PDS5B: variants seen among roughly 807,000 people sequenced by gnomAD.
The protein encoded by PDS5B is sister chromatid cohesion protein PDS5 homolog B.
A neutral mutation model predicts 184.1 loss-of-function variants in PDS5B; 51 were observed. The ratio of observed to expected loss-of-function variants is 0.28; its 90% confidence interval spans 0.22 to 0.35. The LOEUF (loss-of-function observed/expected upper bound fraction) is 0.35, where lower values mean the gene tolerates loss of function less well. Among genes scored for constraint, PDS5B ranks in the 10% least tolerant of loss-of-function variants. PDS5B has a pLI of 1.00. For missense variants in PDS5B, 1,180 were observed against 1,723.3 expected (o/e 0.68, Z 5.58); for synonymous variants, 566 against 569.2 (o/e 0.99, Z 0.08).
intron 6 of PDS5B, among the ~76,000 whole-genome samples, chr13:32,661,320 G>A (rs1403513130): frequency 7.7e-6 from 1 of 130,170 alleles, no homozygotes; most frequent in Non-Finnish European, 1.6e-5. Flanking sequence ...AGAGGTGGAG[G>A]TTACAGTGAG....
At chr13:32,630,475 C>G (rs962698838) in intron 1 of PDS5B, among the ~76,000 whole-genome samples, 3 of 152,130 alleles carry the variant, frequency 2.0e-5, no homozygotes, top group Admixed American at 6.5e-5. Context: ...GCACCCTGAC[C>G]TCCACTTGCA....
rs1954230053 is a variant in PDS5B, at chr13:32,757,607, T to C, written c.3057-480T>C. On this transcript the variant is annotated intron_variant, in intron 26 of 34. Coordinates refer to ENST00000315596, the MANE Select transcript of PDS5B (RefSeq NM_015032.4). Reference sequence around the variant, plus strand: ...TTTAAGCAAAGACAATGCTTATAATTGTCAATCTTGACTTTTTCTCTCTAT... The same window carrying C: ...TTTAAGCAAAGACAATGCTTATAATCGTCAATCTTGACTTTTTCTCTCTAT... Among the ~76,000 whole-genome samples, 3 of 152,232 alleles carry C rather than the reference T, an allele frequency of 2.0e-5. No homozygotes were observed. The South Asian group carries it at 6.2e-4, about 31-fold the overall frequency.
At chr13:32,622,807 T>A (rs1040286132) in intron 1 of PDS5B, among the ~76,000 whole-genome samples, 1 of 152,348 alleles carries the variant, frequency 6.6e-6, no homozygotes, top group South Asian at 2.1e-4. Context: ...AAAATTTGTT[T>A]GGTCTGATGA....
intron 1 of PDS5B, among the ~76,000 whole-genome samples, chr13:32,613,569 C>T (rs2058173819): frequency 6.6e-6 from 1 of 152,102 alleles, no homozygotes; most frequent in Non-Finnish European, 1.5e-5. Context: ...ATCCTTTGCC[C>T]ATTTTTAAAT....
At chr13:32,595,553 A>G (rs1045778008) in intron 1 of PDS5B, among the ~76,000 whole-genome samples, 19 of 152,190 alleles carry the variant, frequency 1.2e-4, no homozygotes, top group African/African-American at 4.3e-4. Flanking sequence ...GATTTCCACA[A>G]TAGAGGTATA....
intron 24 of PDS5B, among the ~76,000 whole-genome samples, chr13:32,748,611 A>G (rs1355478182): frequency 6.6e-6 from 1 of 152,084 alleles, no homozygotes; most frequent in Non-Finnish European, 1.5e-5. Flanking sequence ...CTCGGGTCCT[A>G]CTTCAAGTGC....
Position 32,760,679 on chromosome 13 carries a change from C to T in PDS5B, c.3477C>T (p.Ser1159=), listed in dbSNP as rs938892002. Residue 1159 remains serine, a synonymous_variant, in exon 30 of 35, where the codon AGC becomes AGT. Coordinates refer to ENST00000315596, the MANE Select transcript of PDS5B (RefSeq NM_015032.4). ...GAATGGAAACTGTAAGCAATGCAAG[C>T]AGCAGCTCAAATCCAAGCTCTCCTG... ...SSRMETVSNA[S]SSSNPSSPGR... is the part of the protein sequence containing the mutation. 2 of 1,613,990 alleles carry T rather than the reference C, an allele frequency of 1.2e-6. No individual in the cohort carries two copies. Among genetic ancestry groups the T allele is most frequent in the South Asian group, 2.2e-5 (2 of 91,064 alleles).
In PDS5B at chr13:32,699,689, T is replaced by TA. The variant is rs571075625; in HGVS notation, c.1601-33dup. ...ATTGACCTATTATTATTTTAAGAAT[T>TA]AAAAAAAATTGATTTTAATTGAACT... On this transcript the variant is annotated intron_variant, in intron 15 of 34. Coordinates refer to ENST00000315596, the MANE Select transcript of PDS5B (RefSeq NM_015032.4). 6.1e-5 allele frequency: 72 copies of TA among 1,175,606 alleles called. 1 individual carries two copies. In the South Asian group the frequency reaches 8.7e-4, roughly 14 times the overall value. The allele number at this position is 1,175,606 out of a possible 1,614,324, so 72.8% of individuals were successfully genotyped here.
chr13:32,604,947 A>G (rs547819916), intron 1 of PDS5B, among the ~76,000 whole-genome samples: 1 of 152,042 alleles, frequency 6.6e-6, no homozygotes, highest in East Asian at 1.9e-4. Context: ...TATTGCATCT[A>G]TTTGATTCTT....
rs868137211 is a variant in PDS5B, at chr13:32,731,849, G to A, written c.2124-252G>A. 2.0e-4 allele frequency among the ~76,000 whole-genome samples: 30 copies of A among 152,188 alleles called. No individual in the cohort carries two copies. In the Middle Eastern group the frequency reaches 0.01, roughly 52 times the overall value. On this transcript the variant is annotated intron_variant, in intron 19 of 34. Transcript: ENST00000315596. ...GGGAGCGGCGTTAACAGGAGAGTGT[G>A]AGTCACCAGCCTGTTAGTGTTTGCT...
In PDS5B at chr13:32,687,155, A is replaced by C. The variant is rs1327398579; in HGVS notation, c.1225A>C (p.Met409Leu). Reference protein sequence around the residue: ...DKRWRVRKEAMMGLAQIYKKY... With the variant: ...DKRWRVRKEALMGLAQIYKKY... Reference sequence around the variant, plus strand: ...TAAGTGGAGAGTACGCAAAGAAGCCATGATGGGACTTGCCCAAATTTATAA... The same window carrying C: ...TAAGTGGAGAGTACGCAAAGAAGCCCTGATGGGACTTGCCCAAATTTATAA... Residue 409 changes from methionine to leucine, a missense_variant, in exon 12 of 35, where the codon ATG becomes CTG. Physicochemically the swap from Met to Leu is conservative, Grantham distance 15. Transcript: ENST00000315596. 1 of 1,605,440 alleles carries C rather than the reference A, an allele frequency of 6.2e-7. No individual in the cohort carries two copies.
chr13:32,621,993 AT>A (rs950509098), intron 1 of PDS5B, among the ~76,000 whole-genome samples: 8 of 151,412 alleles, frequency 5.3e-5, no homozygotes, highest in Non-Finnish European at 7.4e-5. Flanking sequence ...TTAACATCTC[AT>A]TTTTTTTCCC....
intron 6 of PDS5B, among the ~76,000 whole-genome samples, chr13:32,659,507 G>A (rs963808622): frequency 2.0e-5 from 3 of 152,160 alleles, no homozygotes; most frequent in African/African-American, 7.2e-5. Context: ...TTATAATTCA[G>A]TTGCATATGG....
At chr13:32,767,143 GAAAACC>G (rs971567923) in intron 31 of PDS5B, among the ~76,000 whole-genome samples, 1 of 151,916 alleles carries the variant, frequency 6.6e-6, no homozygotes, top group African/African-American at 2.4e-5. Flanking sequence ...AAACCAAAGG[GAAAACC>G]AAAAACAAAA....
At chr13:32,619,607 A>G (rs957341585) in intron 1 of PDS5B, among the ~76,000 whole-genome samples, 1 of 152,134 alleles carries the variant, frequency 6.6e-6, no homozygotes, top group Non-Finnish European at 1.5e-5. Context: ...CAATTAGGCT[A>G]TGTTAAATTT....
intron 26 of PDS5B, among the ~76,000 whole-genome samples, chr13:32,757,672 T>A (rs1392380679): frequency 2.0e-5 from 3 of 152,226 alleles, no homozygotes. Flanking sequence ...ATAAGGCAGT[T>A]ATATTCTCTT....
In PDS5B at chr13:32,658,218, C is replaced by T. The variant is rs537732458; in HGVS notation, c.313-21C>T. ...TTTAGCGTTCATAATCTAAATGGCA[C>T]TTTGTCTTTTTTTATTTAAGGATAT... On this transcript the variant is annotated intron_variant, in intron 3 of 34. Coordinates refer to ENST00000315596, the MANE Select transcript of PDS5B (RefSeq NM_015032.4). 86 of 1,148,618 alleles carry T rather than the reference C, an allele frequency of 7.5e-5. No individual in the cohort carries two copies. In the Middle Eastern group the frequency reaches 1.6e-3, roughly 21 times the overall value. 71.2% of individuals were successfully genotyped at this position (1,148,618 alleles called of 1,614,324 possible).
intron 20 of PDS5B, 91 bp downstream of exon 20, chr13:32,732,315 G>A: frequency 2.4e-6 from 2 of 821,608 alleles, no homozygotes; most frequent in South Asian, 1.6e-5. Flanking sequence ...ATTTGGTGAT[G>A]CATCATTTTG....
At chr13:32,687,973 T>C (rs1230876556) in intron 12 of PDS5B, among the ~76,000 whole-genome samples, 1 of 152,172 alleles carries the variant, frequency 6.6e-6, no homozygotes, top group African/African-American at 2.4e-5. Flanking sequence ...AAAATTGAAG[T>C]TGTACTTCTT....
Sources: gnomAD v4.1 joint callset for allele counts (sites outside exome capture counted in the v4.1 genomes callset) on GRCh38, gnomAD v4.1.1 for gene constraint, MANE v1.5 for transcripts, NCBI Gene and HGNC (gene_info 2026-07-23, HGNC 2026-07-21) for gene names.